Variants in DAB1 observed in about 807,000 individuals in gnomAD.
DAB1 encodes the protein disabled homolog 1.
Under a neutral mutation model 64.6 loss-of-function variants are expected in DAB1, and 15 were observed. The observed-to-expected ratio is 0.23, with a 90% CI of 0.16 to 0.36. The LOEUF is 0.36. Ranked by LOEUF, DAB1 falls within the 10% of genes least tolerant of loss-of-function variation. DAB1 has a pLI of 1.00. For missense variants in DAB1, 596 were observed against 706.7 expected (o/e 0.84, Z 1.78); for synonymous variants, 235 against 251.9 (o/e 0.93, Z 0.64).
chr1:57,226,654 A>G (rs996095761), intron 2 of DAB1, among the ~76,000 whole-genome samples: 42 of 112,818 alleles, frequency 3.7e-4, no homozygotes, highest in Non-Finnish European at 5.5e-4. Context: ...CCTGTCACTC[A>G]AAAGTGGTTA....
chr1:57,957,987 T>G (rs927595809), intron 5 of DAB1, among the ~76,000 whole-genome samples: 1 of 151,848 alleles, frequency 6.6e-6, no homozygotes, highest in East Asian at 1.9e-4. Context: ...TCCAGGATGA[T>G]GTGCTTTTTT....
At chr1:57,047,225 G>A (rs575469191) in intron 9 of DAB1, among the ~76,000 whole-genome samples, 5 of 152,286 alleles carry the variant, frequency 3.3e-5, no homozygotes, top group East Asian at 1.9e-4. Flanking sequence ...GGAGAATAAC[G>A]AAATAGCACA....
intron 5 of DAB1, among the ~76,000 whole-genome samples, chr1:57,979,329 C>T (rs1646003699): frequency 6.6e-6 from 1 of 152,168 alleles, no homozygotes; most frequent in Non-Finnish European, 1.5e-5. Context: ...AAACCAAACA[C>T]CACATGTTCT....
chr1:57,935,160 G>A (rs763160566), intron 5 of DAB1, among the ~76,000 whole-genome samples: 8 of 152,172 alleles, frequency 5.3e-5, no homozygotes, highest in Non-Finnish European at 1.0e-4. Context: ...AGCTAGTCTT[G>A]CCATGAGAAG....
intron 5 of DAB1, among the ~76,000 whole-genome samples, chr1:58,064,289 T>C (rs1301043240): frequency 1.3e-5 from 2 of 152,196 alleles, no homozygotes; most frequent in African/African-American, 2.4e-5. Context: ...TGAAAAAATA[T>C]GGCATGTGTT....
intron 9 of DAB1, among the ~76,000 whole-genome samples, chr1:57,030,565 A>T (rs1341323343): frequency 1.3e-5 from 2 of 152,226 alleles, no homozygotes; most frequent in Non-Finnish European, 2.9e-5. Context: ...AGAGGAGGCC[A>T]GTGTGGTGGA....
intron 5 of DAB1, among the ~76,000 whole-genome samples, chr1:58,146,000 A>G (rs570144556): frequency 1.3e-5 from 2 of 152,292 alleles, no homozygotes; most frequent in South Asian, 4.2e-4. Context: ...ATGATGGCCC[A>G]CTTCTACCTA....
At chr1:57,042,527 A>G (rs1259807125) in intron 9 of DAB1, among the ~76,000 whole-genome samples, 2 of 152,158 alleles carry the variant, frequency 1.3e-5, no homozygotes, top group African/African-American at 4.8e-5. Context: ...CACAATGACT[A>G]TTACCTTCCC....
At chr1:57,265,363 A>C (rs1322211754) in intron 2 of DAB1, among the ~76,000 whole-genome samples, 1 of 152,216 alleles carries the variant, frequency 6.6e-6, no homozygotes, top group East Asian at 1.9e-4. Context: ...AGTGACAGAC[A>C]TACAGTGCTT....
chr1:57,798,969 G>C (rs1217001213), intron 6 of DAB1, among the ~76,000 whole-genome samples: 3 of 152,204 alleles, frequency 2.0e-5, no homozygotes, highest in Non-Finnish European at 4.4e-5. Flanking sequence ...CAGCTGTCAT[G>C]CAAGAAAATA....
intron 4 of DAB1, among the ~76,000 whole-genome samples, chr1:58,296,218 AAAG>A (rs1201092498): frequency 6.7e-6 from 1 of 149,838 alleles, no homozygotes; most frequent in Non-Finnish European, 1.5e-5. Flanking sequence ...AGAAAGAAAG[AAAG>A]AAAGAAAGAA....
chr1:57,907,109 AAAACAC>A (rs1230578127), intron 5 of DAB1, among the ~76,000 whole-genome samples: 2 of 152,146 alleles, frequency 1.3e-5, no homozygotes, highest in African/African-American at 2.4e-5. Context: ...CAATTAAGCA[AAAACAC>A]AACTGCTCCA....
At chr1:57,579,847 C>T (rs1287292694) in intron 7 of DAB1, among the ~76,000 whole-genome samples, 1 of 152,094 alleles carries the variant, frequency 6.6e-6, no homozygotes, top group African/African-American at 2.4e-5. Flanking sequence ...AGGCGCAGGT[C>T]AAAAGAGAGA....
intron 1 of DAB1, among the ~76,000 whole-genome samples, chr1:57,845,895 T>G (rs1177168907): frequency 1.3e-5 from 2 of 152,178 alleles, no homozygotes; most frequent in Non-Finnish European, 2.9e-5. Context: ...ATGAAAACCC[T>G]TCAAATATTC....
intron 2 of DAB1, among the ~76,000 whole-genome samples, chr1:57,180,140 C>A (rs368012120): frequency 6.6e-6 from 1 of 152,158 alleles, no homozygotes; most frequent in Non-Finnish European, 1.5e-5. Flanking sequence ...TGCAAACTTG[C>A]TTTGGAAATG....
intron 6 of DAB1, among the ~76,000 whole-genome samples, chr1:57,782,697 T>C (rs1370794734): frequency 3.3e-5 from 5 of 152,148 alleles, no homozygotes. Context: ...TGCTTTTAAA[T>C]TTTTCCTGGG....
At chr1:58,055,717 G>C (rs1024161875) in intron 5 of DAB1, among the ~76,000 whole-genome samples, 2 of 152,022 alleles carry the variant, frequency 1.3e-5, no homozygotes, top group African/African-American at 4.8e-5. Context: ...GCAGTCACAG[G>C]CCTTCAAGAA....
intron 6 of DAB1, among the ~76,000 whole-genome samples, chr1:57,773,327 CTTGTTA>C (rs1194662763): frequency 6.8e-6 from 1 of 147,090 alleles, no homozygotes; most frequent in Non-Finnish European, 1.5e-5. Context: ...TATTTATCTT[CTTGTTA>C]TTGAGTTGTA....
At chr1:58,288,501 G>A (rs1467331378) in intron 4 of DAB1, among the ~76,000 whole-genome samples, 4 of 152,148 alleles carry the variant, frequency 2.6e-5, no homozygotes, top group African/African-American at 9.7e-5. Context: ...GAAGTGGGAA[G>A]AATCAGCTCT....
Sources: gnomAD v4.1 joint callset for allele counts (sites outside exome capture counted in the v4.1 genomes callset) on GRCh38, gnomAD v4.1.1 for gene constraint, MANE v1.5 for transcripts, NCBI Gene and HGNC (gene_info 2026-07-23, HGNC 2026-07-21) for gene names.